Variants in ANKRD16 observed in about 807,000 individuals in gnomAD.
ANKRD16 encodes the protein ankyrin repeat domain 16, also known as ankyrin repeat domain-containing protein 16.
In ANKRD16, 35 loss-of-function variants were observed where a neutral mutation model predicts 37.9. That is an observed-to-expected ratio of 0.92 (90% CI 0.71 to 1.23). The LOEUF is 1.23. Ranked by LOEUF, ANKRD16 falls within the 50% of genes most tolerant of loss-of-function variation. The pLI, the probability that ANKRD16 is intolerant of heterozygous loss-of-function variation, is 0.00. For synonymous variants in ANKRD16, 206 were observed against 197.2 expected (o/e 1.04, Z -0.37); for missense variants, 480 against 469.9 (o/e 1.02, Z -0.20).
chr10:5,885,066 G>A (rs981168110), intron 3 of ANKRD16, among the ~76,000 whole-genome samples: 3 of 152,166 alleles, frequency 2.0e-5, no homozygotes, highest in Non-Finnish European at 2.9e-5. Context: ...ACAGACTTTC[G>A]GGACTCCTTC....
chr10:5,877,870 G>A (rs554228526), intron 7 of ANKRD16, among the ~76,000 whole-genome samples: 1 of 152,288 alleles, frequency 6.6e-6, no homozygotes, highest in East Asian at 1.9e-4. Flanking sequence ...TCTACTTTAA[G>A]AGTACAAAGA....
chr10:5,876,711 G>T (rs1216659237), intron 7 of ANKRD16, among the ~76,000 whole-genome samples: 1 of 152,176 alleles, frequency 6.6e-6, no homozygotes, highest in African/African-American at 2.4e-5. Context: ...GTGCCAAACC[G>T]AGCCCAACGC....
chr10:5,874,526 C>T lies in ANKRD16; in HGVS notation c.*33+3571G>A, dbSNP rs749687279. Among the ~76,000 whole-genome samples, 5 of 152,104 alleles carry T rather than the reference C, an allele frequency of 3.3e-5. No individual in the cohort carries two copies. The highest frequency in any genetic ancestry group is 6.5e-5 in the Admixed American group (1 of 15,276). On this transcript the variant is annotated intron_variant, in intron 7 of 7. Transcript: ENST00000380094. This position sits in a 1 kb window ranked among gnomAD's most constrained non-coding sequence, Gnocchi z 4.7. ...GTGTGGAACAGGCAGATTAGAGAGC[C>T]GCCCAGCAGCTGTCCTCTGCAGGGA... is the stretch of plus-strand genomic sequence containing the variant.
At chr10:5,877,893 C>T (rs770564806) in intron 7 of ANKRD16, among the ~76,000 whole-genome samples, 2 of 152,120 alleles carry the variant, frequency 1.3e-5, no homozygotes, top group African/African-American at 2.4e-5. Context: ...GAAATATGGA[C>T]TACGGGAAGA....
chr10:5,879,719 A>AGTT (rs60261178), intron 6 of ANKRD16, among the ~76,000 whole-genome samples: 125,084 of 151,530 alleles, frequency 0.83, 52,038 homozygotes, highest in Admixed American at 0.87. Flanking sequence ...TTTATGATGC[A>AGTT]TATATTGTTA....
In ANKRD16 at chr10:5,861,671, C is replaced by T. The variant is rs1841941936; in HGVS notation, c.*1054G>A. The stretch of plus-strand genomic sequence containing the variant: ...TTTTTATTAAATGCTTTTTCTATTC[C>T]TGGGTTCTTTGAGAATCATTGACAT... On this transcript the variant is annotated 3_prime_UTR_variant, in exon 8 of 8. Transcript: ENST00000380094. 6.6e-6 allele frequency: 1 copy of T among 151,496 alleles called. No individual in the cohort carries two copies. Among genetic ancestry groups the T allele is most frequent in the Non-Finnish European group, 1.5e-5 (1 of 68,018 alleles). The allele number at this position is 151,496 out of a possible 1,614,324, so 9.4% of individuals were successfully genotyped here.
chr10:5,874,923 CAGAA>C lies in ANKRD16; in HGVS notation c.*33+3170_*33+3173del, dbSNP rs1468735967. Among the ~76,000 whole-genome samples the C allele has an allele frequency of 6.6e-6, 1 of 151,988 alleles. No homozygotes were observed. Among genetic ancestry groups the C allele is most frequent in the East Asian group, 1.9e-4 (1 of 5,194 alleles). On this transcript the variant is annotated intron_variant, in intron 7 of 7. Coordinates refer to ENST00000380094, the MANE Select transcript of ANKRD16 (RefSeq NM_019046.3). This position sits in a 1 kb window ranked among gnomAD's most constrained non-coding sequence, Gnocchi z 4.7. ...AGTGCAGAGGCAGAGAAGGAAAAGG[CAGAA>C]AGAAAAACCCAGGAGTGCATTATTG...
chr10:5,862,213 C>A lies in ANKRD16; in HGVS notation c.*512G>T. On this transcript the variant is annotated 3_prime_UTR_variant, in exon 8 of 8. Transcript: ENST00000380094. This position sits in a 1 kb window ranked among gnomAD's most constrained non-coding sequence, Gnocchi z 6.5. The stretch of plus-strand genomic sequence containing the variant: ...CCACCGCAACCGGCCCCCAGGAATT[C>A]TTTAATGGTTCCAGAGAGTTCTCTG... The A allele has an allele frequency of 3.6e-6, 1 of 275,270 alleles. No homozygotes were observed. The highest frequency in any genetic ancestry group is 7.2e-6 in the Non-Finnish European group (1 of 138,142). 17.1% of individuals were successfully genotyped at this position (275,270 alleles called of 1,614,324 possible). A position where few individuals can be genotyped will look rare whatever the true frequency, so the allele number is the denominator to read the frequency against.
chr10:5,867,033 T>G (rs1258314112), intron 7 of ANKRD16, among the ~76,000 whole-genome samples: 1 of 152,132 alleles, frequency 6.6e-6, no homozygotes, highest in African/African-American at 2.4e-5. Context: ...GAAAAAACAG[T>G]GTACCCTATT....
chr10:5,864,213 A>G lies in ANKRD16; in HGVS notation c.*34-1522T>C, dbSNP rs1216811204. The stretch of plus-strand genomic sequence containing the variant: ...AAGCTTACAACTTACATCCCACAGG[A>G]GGACTTCTCAGCTTACCCCCAGATC... On this transcript the variant is annotated intron_variant, in intron 7 of 7. Coordinates refer to ENST00000380094, the MANE Select transcript of ANKRD16 (RefSeq NM_019046.3). The surrounding 1 kb of genome is among the most constrained non-coding windows in gnomAD (Gnocchi z 4.4). Among the ~76,000 whole-genome samples, 1 of 152,090 alleles carries G rather than the reference A, an allele frequency of 6.6e-6. No homozygotes were observed. Among genetic ancestry groups the G allele is most frequent in the East Asian group, 1.9e-4 (1 of 5,196 alleles).
chr10:5,878,005 G>A lies in ANKRD16; in HGVS notation c.*33+92C>T, dbSNP rs1554796266. 7.4e-7 allele frequency: 1 copy of A among 1,357,642 alleles called. No homozygotes were observed. The highest frequency in any genetic ancestry group is 1.0e-6 in the Non-Finnish European group (1 of 990,814). The allele number at this position is 1,357,642 out of a possible 1,614,324, so 84.1% of individuals were successfully genotyped here. A position where few individuals can be genotyped will look rare whatever the true frequency, so the allele number is the denominator to read the frequency against. On this transcript the variant is annotated intron_variant, in intron 7 of 7. Coordinates refer to ENST00000380094, the MANE Select transcript of ANKRD16 (RefSeq NM_019046.3). The surrounding 1 kb of genome is among the most constrained non-coding windows in gnomAD (Gnocchi z 5.1). Reference sequence around the variant, plus strand: ...TCAGCAGGAGTGGAACATGCAGGATGAGGGAAGGGAGGAAGTGGAGGAGAT... The same window carrying A: ...TCAGCAGGAGTGGAACATGCAGGATAAGGGAAGGGAGGAAGTGGAGGAGAT...
At chr10:5,873,401 T>TGACCTCAA (rs1035334575) in intron 7 of ANKRD16, among the ~76,000 whole-genome samples, 1 of 150,974 alleles carries the variant, frequency 6.6e-6, no homozygotes, top group African/African-American at 2.4e-5. Context: ...CTTGAACTCC[T>TGACCTCAA]GACCTCAAGT....
intron 5 of ANKRD16, chr10:5,882,743 C>T (rs150412103): frequency 1.0e-5 from 3 of 291,644 alleles, no homozygotes; most frequent in African/African-American, 6.6e-5. Flanking sequence ...TAACGTTATT[C>T]CTGAAAACAA....
chr10:5,889,483 G>C lies in ANKRD16; in HGVS notation c.-129C>G, dbSNP rs1395355638. ...ACCTGCCCCGCGCGCCCCGAACCCG[G>C]CAGAACCGCCCCTCACGCCCCCGGC... On this transcript the variant is annotated 5_prime_UTR_variant, in exon 1 of 8. Coordinates refer to ENST00000380094, the MANE Select transcript of ANKRD16 (RefSeq NM_019046.3). 1.6e-6 allele frequency: 1 copy of C among 614,892 alleles called. No individual in the cohort carries two copies. Among genetic ancestry groups the C allele is most frequent in the Admixed American group, 5.1e-5 (1 of 19,436 alleles). The allele number at this position is 614,892 out of a possible 1,614,324, so 38.1% of individuals were successfully genotyped here.
In ANKRD16 at chr10:5,884,081, G is replaced by C. The variant is rs778114543; in HGVS notation, c.579-4C>G. 3.2e-5 allele frequency: 52 copies of C among 1,612,632 alleles called. No homozygotes were observed. The highest frequency in any genetic ancestry group is 4.0e-5 in the African/African-American group (3 of 74,910). On this transcript the variant is annotated splice_region_variant and splice_polypyrimidine_tract_variant and intron_variant, in intron 3 of 7. Coordinates refer to ENST00000380094, the MANE Select transcript of ANKRD16 (RefSeq NM_019046.3). ...GTAGTCTGGTTCATATTGGCACCTA[G>C]AGCCAAAACCCCAAGTAAGAGCTGA...
intron 5 of ANKRD16, among the ~76,000 whole-genome samples, chr10:5,881,438 T>TTAAAAAAATA: frequency 2.0e-5 from 1 of 51,018 alleles, no homozygotes; most frequent in Middle Eastern, 0.012. Context: ...AAAATATTAT[T>TTAAAAAAATA]TATATATATA....
At chr10:5,885,202 A>C (rs1224623730) in intron 3 of ANKRD16, among the ~76,000 whole-genome samples, 1 of 151,262 alleles carries the variant, frequency 6.6e-6, no homozygotes, top group Non-Finnish European at 1.5e-5. Flanking sequence ...TTTTTTTGAG[A>C]CAGAGTCTTG....
At position 5,887,881 on chromosome 10, in the gene ANKRD16, C is replaced by G. The variant is rs1223782155; in HGVS notation, c.501G>C (p.Glu167Asp). Reference sequence around the variant, plus strand: ...GCAGAGGAGTCCTTCTAATTTTGCTCTCTGTCTTCCAGGCACCTGGGCAAA... The same window carrying G: ...GCAGAGGAGTCCTTCTAATTTTGCTGTCTGTCTTCCAGGCACCTGGGCAAA... ...LTVCPGAWKTESKIRRTPLHT... is the reference protein window; with the variant it reads ...LTVCPGAWKTDSKIRRTPLHT... Residue 167 changes from glutamate to aspartate, a missense_variant, in exon 2 of 8, where the codon GAG becomes GAC. Transcript: ENST00000380094. 6.2e-7 allele frequency: 1 copy of G among 1,614,024 alleles called. No individual in the cohort carries two copies. The highest frequency in any genetic ancestry group is 8.5e-7 in the Non-Finnish European group (1 of 1,179,962).
intron 5 of ANKRD16, among the ~76,000 whole-genome samples, chr10:5,881,441 T>TAAAAAAAA (rs1459236408): frequency 4.7e-5 from 1 of 21,294 alleles, no homozygotes; most frequent in African/African-American, 1.7e-4. Context: ...ATATTATTTA[T>TAAAAAAAA]ATATATATAT....
Sources: gnomAD v4.1 joint callset for allele counts (sites outside exome capture counted in the v4.1 genomes callset) on GRCh38, gnomAD v4.1.1 for gene constraint, Gnocchi (gnomAD v3.1) non-coding constraint, MANE v1.5 for transcripts, NCBI Gene and HGNC (gene_info 2026-07-23, HGNC 2026-07-21) for gene names.